The following SYNE1 variants were observed in gnomAD, a reference collection of about 807,000 sequenced individuals.
SYNE1 encodes the protein nesprin-1.
Under a neutral mutation model 1,111.0 loss-of-function variants are expected in SYNE1, and 616 were observed. That is an observed-to-expected ratio of 0.55 (90% CI 0.52 to 0.59). The LOEUF is 0.59. Among genes scored for constraint, SYNE1 ranks in the 20% least tolerant of loss-of-function variants. The pLI is 0.00. For synonymous variants in SYNE1, 3,855 were observed against 3,825.8 expected (o/e 1.01, Z -0.28); for missense variants, 10,006 against 10,417.0 (o/e 0.96, Z 1.72).
In SYNE1 at chr6:152,427,788, TC is replaced by T; in HGVS notation, c.5004del (p.Thr1669ProfsTer3). The T allele has an allele frequency of 6.2e-7, 1 of 1,614,096 alleles. No individual in the cohort carries two copies. The highest frequency in any genetic ancestry group is 8.5e-7 in the Non-Finnish European group (1 of 1,180,016). ...TTAGCTTCACCCCGCTCTAACCAGGTCAAAAAGGATGATAGTTCTTTCTCTA... is the reference window on the plus strand; with the variant it reads ...TTAGCTTCACCCCGCTCTAACCAGGTAAAAAGGATGATAGTTCTTTCTCTA... ...QRLEKELSSFLTWLERGEAKA... is the reference protein window; with the variant it reads ...QRLEKELSSFXTWLERGEAKA... On this transcript the variant is annotated frameshift_variant, in exon 38 of 146. Transcript: ENST00000367255. LOFTEE classifies it high-confidence loss of function.
rs1200151198 is a variant in SYNE1, at chr6:152,181,536, G to T, written c.23302-1242C>A. ...TGTCCCTGTGGATTTGCCTATTCTG[G>T]ACATTTCATATACATGGAATCATAC... On this transcript the variant is annotated intron_variant, in intron 128 of 145. Coordinates refer to ENST00000367255, the MANE Select transcript of SYNE1 (RefSeq NM_182961.4). Among the ~76,000 whole-genome samples, 3 of 152,042 alleles carry T rather than the reference G, an allele frequency of 2.0e-5. No individual in the cohort carries two copies. In the East Asian group the frequency reaches 5.8e-4, roughly 29 times the overall value.
intron 78 of SYNE1, among the ~76,000 whole-genome samples, 178 bp downstream of exon 78, chr6:152,329,552 A>C (rs998356941): frequency 6.6e-6 from 1 of 152,208 alleles, no homozygotes; most frequent in African/African-American, 2.4e-5. Context: ...ACAAAACAAA[A>C]CAAAACAAAA....
intron 122 of SYNE1, among the ~76,000 whole-genome samples, chr6:152,214,482 T>C (rs1432187102): frequency 2.0e-5 from 3 of 152,230 alleles, no homozygotes; most frequent in Admixed American, 6.5e-5. Flanking sequence ...GGTGTGAATG[T>C]ATCCCTTCCA....
intron 96 of SYNE1, among the ~76,000 whole-genome samples, chr6:152,282,201 T>C (rs868302325): frequency 6.6e-6 from 1 of 152,222 alleles, no homozygotes. Flanking sequence ...GTGATTTTAA[T>C]GTGTACCTAG....
intron 7 of SYNE1, 23 bp from the exon 8 acceptor site, chr6:152,510,394 C>T: frequency 6.2e-7 from 1 of 1,611,898 alleles, no homozygotes; most frequent in Non-Finnish European, 8.5e-7. Context: ...TAACAGCCAG[C>T]AAAAATATAA....
rs143314199 is a variant in SYNE1 at position 152,606,157 on chromosome 6, C to A, written c.67+22108G>T. Among the ~76,000 whole-genome samples, 948 of 152,134 alleles carry A rather than the reference C, an allele frequency of 6.2e-3. 9 individuals carry two copies. Among genetic ancestry groups the A allele is most frequent in the African/African-American group, 0.022 (902 of 41,498 alleles). On this transcript the variant is annotated intron_variant, in intron 3 of 145. Transcript: ENST00000367255. Reference sequence around the variant, plus strand: ...AACCCAGTGGCCATCTGTAGTGTGGCAAGAAGGGGATCTCATTGGCATTTC... The same window carrying A: ...AACCCAGTGGCCATCTGTAGTGTGGAAAGAAGGGGATCTCATTGGCATTTC...
intron 15 of SYNE1, 70 bp from the exon 16 acceptor site, chr6:152,471,835 T>C (rs2098807326): frequency 6.7e-7 from 1 of 1,482,390 alleles, no homozygotes; most frequent in South Asian, 1.1e-5. Context: ...ACTTAACCTG[T>C]TACATGTCAG....
intron 3 of SYNE1, among the ~76,000 whole-genome samples, chr6:152,585,998 C>G (rs2099537247): frequency 6.6e-6 from 1 of 152,060 alleles, no homozygotes; most frequent in African/African-American, 2.4e-5. Context: ...TCCTCTGCTT[C>G]CCTATCCAAG....
chr6:152,353,444 A>C lies in SYNE1; in HGVS notation c.11083-11T>G, dbSNP rs764196820. On this transcript the variant is annotated splice_polypyrimidine_tract_variant and intron_variant, in intron 68 of 145. Transcript: ENST00000367255. ...GAATTTTATTTGTTCCTATGAAAGA[A>C]AAGAGAAAATTGAATGGTGAAGTAA... 6.2e-7 allele frequency: 1 copy of C among 1,614,184 alleles called. No homozygotes were observed. The highest frequency in any genetic ancestry group is 1.3e-5 in the African/African-American group (1 of 75,056).
At chr6:152,135,403 C>T (rs1008792518) in intron 141 of SYNE1, among the ~76,000 whole-genome samples, 171 bp from the exon 142 acceptor site, 9 of 152,192 alleles carry the variant, frequency 5.9e-5, no homozygotes, top group Admixed American at 5.2e-4. Flanking sequence ...CGTGAGTTCA[C>T]GTTCTTACCA....
At chr6:152,560,304 T>C (rs181959307) in intron 3 of SYNE1, among the ~76,000 whole-genome samples, 12 of 152,186 alleles carry the variant, frequency 7.9e-5, no homozygotes, top group Admixed American at 3.9e-4. Flanking sequence ...AGGCAGAAGT[T>C]GCAGTGAGCT....
At chr6:152,556,100 C>T (rs2099364138) in intron 3 of SYNE1, among the ~76,000 whole-genome samples, 1 of 152,162 alleles carries the variant, frequency 6.6e-6, no homozygotes, top group South Asian at 2.1e-4. Flanking sequence ...GTGATATCAG[C>T]AAGATGGCAT....
At chr6:152,286,163 T>C (rs753443834) in intron 95 of SYNE1, among the ~76,000 whole-genome samples, 1 of 152,206 alleles carries the variant, frequency 6.6e-6, no homozygotes, top group Non-Finnish European at 1.5e-5. Flanking sequence ...AAACTATTAA[T>C]ATTATATACA....
intron 3 of SYNE1, among the ~76,000 whole-genome samples, chr6:152,622,114 A>T (rs1214657659): frequency 1.3e-5 from 2 of 152,202 alleles, no homozygotes; most frequent in Admixed American, 1.3e-4. Context: ...TTTGTATCAT[A>T]CTTAAATTTG....
chr6:152,247,750 TACAC>T (rs61420132), intron 105 of SYNE1, among the ~76,000 whole-genome samples: 2,878 of 112,290 alleles, frequency 0.026, 79 homozygotes, highest in African/African-American at 0.071. Flanking sequence ...TATATATATA[TACAC>T]ACACACACAC....
chr6:152,500,356 G>T (rs1004474548), intron 10 of SYNE1, among the ~76,000 whole-genome samples: 1 of 152,168 alleles, frequency 6.6e-6, no homozygotes, highest in Non-Finnish European at 1.5e-5. Context: ...GTGCTTTTTA[G>T]AAACAATTAC....
chr6:152,434,197 A>G (rs2098453562), intron 33 of SYNE1: 1 of 496,628 alleles, frequency 2.0e-6, no homozygotes, highest in Admixed American at 3.4e-5. Flanking sequence ...TGAACAAAAC[A>G]TTGCTGGGTC....
chr6:152,376,823 C>G lies in SYNE1; in HGVS notation c.9099G>C (p.Leu3033=). 6.2e-7 allele frequency: 1 copy of G among 1,614,080 alleles called. No individual in the cohort carries two copies. The change falls in exon 57 of 146, where the codon CTG becomes CTC. Residue 3033 remains leucine (L), a synonymous_variant. Transcript: ENST00000367255. ...CAGAAACTTTTCCACTGTAGGTACT[C>G]AGGTCTCTGGAAAATCGACAAAGTT... is the stretch of plus-strand genomic sequence containing the variant. ...LNELCRFSRD[L]STYSGKVSGL...
At chr6:152,476,823 C>T (rs891551726) in intron 14 of SYNE1, among the ~76,000 whole-genome samples, 3 of 150,430 alleles carry the variant, frequency 2.0e-5, no homozygotes, top group African/African-American at 7.4e-5. Flanking sequence ...GAGCCATGAC[C>T]ACACCACTAC....
Sources: allele counts gnomAD v4.1 joint callset (sites outside exome capture counted in the v4.1 genomes callset), GRCh38; gene constraint gnomAD v4.1.1; transcripts MANE v1.5; gene names NCBI Gene and HGNC (gene_info 2026-07-23, HGNC 2026-07-21).